The following PCDH15 variants were observed in gnomAD, a reference collection of about 807,000 sequenced individuals.
PCDH15 encodes protocadherin related 15, also known as protocadherin-15.
PCDH15 carries 129 observed loss-of-function variants against 178.5 expected under a neutral mutation model. The ratio of observed to expected loss-of-function variants is 0.72; its 90% CI spans 0.63 to 0.84. The LOEUF (loss-of-function observed/expected upper bound fraction) is 0.84. Among genes scored for constraint, PCDH15 ranks in the 40% least tolerant of loss-of-function variants. The pLI, the probability that PCDH15 is intolerant of heterozygous loss-of-function variation, is 0.00. For missense variants in PCDH15, 2,230 were observed against 2,099.9 expected, an observed-to-expected ratio of 1.06 and a Z score of -1.21; for synonymous variants, 800 against 732.0, an observed-to-expected ratio of 1.09 and a Z score of -1.50.
chr10:54,850,258 A>C (rs1953593662), intron 3 of PCDH15, among the ~76,000 whole-genome samples: 1 of 152,126 alleles, frequency 6.6e-6, no homozygotes, highest in Non-Finnish European at 1.5e-5. Context: ...AAAAATCATA[A>C]GATGGTTTGG....
chr10:55,599,959 G>A, intron 2 of PCDH15: 3 of 1,511,070 alleles, frequency 2.0e-6, no homozygotes, highest in Non-Finnish European at 2.6e-6. Context: ...ACCTACCTAT[G>A]AAGAGGCGGG....
At chr10:54,336,401 G>T (rs554082746) in intron 6 of PCDH15, among the ~76,000 whole-genome samples, 1 of 152,276 alleles carries the variant, frequency 6.6e-6, no homozygotes, top group South Asian at 2.1e-4. Context: ...TAGGCCAGGA[G>T]CCCTAGGAGA....
chr10:55,342,180 C>T, intron 2 of PCDH15, among the ~76,000 whole-genome samples: 2 of 149,850 alleles, frequency 1.3e-5, no homozygotes, highest in African/African-American at 2.5e-5. Context: ...TCTATTTTTC[C>T]TTTGTTTTGT....
At chr10:53,864,092 G>C in intron 27 of PCDH15, among the ~76,000 whole-genome samples, 1 of 152,138 alleles carries the variant, frequency 6.6e-6, no homozygotes, top group Non-Finnish European at 1.5e-5. Context: ...AGCTCATTTG[G>C]AGGGTTTGTT....
chr10:54,537,184 A>G (rs1216842489), intron 2 of PCDH15, among the ~76,000 whole-genome samples: 5 of 151,750 alleles, frequency 3.3e-5, no homozygotes, highest in African/African-American at 9.7e-5. Context: ...TATTTTCAGT[A>G]GAGACGGGGT....
chr10:54,722,990 A>G (rs1941890927), intron 1 of PCDH15, among the ~76,000 whole-genome samples: 1 of 151,660 alleles, frequency 6.6e-6, no homozygotes, highest in Admixed American at 6.6e-5. Flanking sequence ...TACAGATTCA[A>G]TGCAATGCCT....
At position 53,803,117 on chromosome 10, in the gene PCDH15, G is replaced by C. The variant is rs1365733750; in HGVS notation, c.*3462C>G. 3.3e-5 allele frequency: 5 copies of C among 151,870 alleles called. No homozygotes were observed. The highest frequency in any genetic ancestry group is 4.8e-5 in the African/African-American group (2 of 41,408). The allele number at this position is 151,870 out of a possible 1,614,324, so 9.4% of individuals were successfully genotyped here. A position where few individuals can be genotyped will look rare whatever the true frequency, so the allele number is the denominator to read the frequency against. ...AAATTTCACATACCATTTGGGAATA[G>C]AAAGAAACTATCTATAAAATGTGTA... On this transcript the variant is annotated 3_prime_UTR_variant, in exon 38 of 38. Coordinates refer to ENST00000644397, the MANE Select transcript of PCDH15 (RefSeq NM_001384140.1).
intron 26 of PCDH15, among the ~76,000 whole-genome samples, chr10:53,879,520 G>A (rs1463396689): frequency 6.6e-6 from 1 of 152,164 alleles, no homozygotes; most frequent in South Asian, 2.1e-4. Flanking sequence ...AATTTGATTT[G>A]AATGCTGAAG....
Position 54,439,121 on chromosome 10 carries a change from T to G in PCDH15, c.158-60179A>C, listed in dbSNP as rs540672468. ...ATTCTATATATGTATAAATTATATATAGAAAAATAGTTTAGAAGAGTTAAT... is the reference window on the plus strand; with the variant it reads ...ATTCTATATATGTATAAATTATATAGAGAAAAATAGTTTAGAAGAGTTAAT... On this transcript the variant is annotated intron_variant, in intron 3 of 37. Coordinates refer to ENST00000644397, the MANE Select transcript of PCDH15 (RefSeq NM_001384140.1). Among the ~76,000 whole-genome samples, 258 of 127,400 alleles carry G rather than the reference T, an allele frequency of 2.0e-3. 1 individual carries two copies. The highest frequency in any genetic ancestry group is 6.9e-3 in the African/African-American group (234 of 33,868). The allele number at this position is 127,400 out of a possible 152,430, so 83.6% of individuals were successfully genotyped here.
chr10:54,356,570 A>G (rs1482532910), intron 5 of PCDH15, among the ~76,000 whole-genome samples: 6 of 151,952 alleles, frequency 3.9e-5, no homozygotes, highest in Admixed American at 6.6e-5. Context: ...CATATAATAT[A>G]TGCTGTATAT....
chr10:55,602,212 C>G (rs1159656649), intron 2 of PCDH15, among the ~76,000 whole-genome samples: 1 of 152,168 alleles, frequency 6.6e-6, no homozygotes, highest in Non-Finnish European at 1.5e-5. Context: ...CGAGATTATA[C>G]CCCGCACCTG....
intron 14 of PCDH15, among the ~76,000 whole-genome samples, chr10:54,150,881 T>C (rs2044460292): frequency 6.6e-6 from 1 of 152,004 alleles, no homozygotes; most frequent in South Asian, 2.1e-4. Context: ...AGCAAGCATA[T>C]AATATCAGCT....
intron 8 of PCDH15, among the ~76,000 whole-genome samples, chr10:54,251,664 A>G (rs1211540786): frequency 1.3e-5 from 2 of 152,168 alleles, no homozygotes; most frequent in Non-Finnish European, 2.9e-5. Flanking sequence ...CTTTACCAAG[A>G]GGTTTGTTTA....
intron 2 of PCDH15, among the ~76,000 whole-genome samples, chr10:55,157,386 A>G (rs1838918714): frequency 6.7e-6 from 1 of 148,436 alleles, no homozygotes; most frequent in Admixed American, 6.8e-5. Flanking sequence ...CCATTGTGGA[A>G]GACAGTGTGG....
At position 55,435,383 on chromosome 10, in the gene PCDH15, G is replaced by C. The variant is rs146014806; in HGVS notation, c.-156+192242C>G. On this transcript the variant is annotated intron_variant, in intron 2 of 5. Transcript: ENST00000613346. Reference sequence around the variant, plus strand: ...TACCTCGCATTTTTGATAATGTATTGTTACTTTTAAAATTAGCAAATAGTT... The same window carrying C: ...TACCTCGCATTTTTGATAATGTATTCTTACTTTTAAAATTAGCAAATAGTT... Among the ~76,000 whole-genome samples, 219 of 152,090 alleles carry C rather than the reference G, an allele frequency of 1.4e-3. 2 individuals carry two copies. The highest frequency in any genetic ancestry group is 5.2e-3 in the African/African-American group (215 of 41,472).
At chr10:54,875,797 C>T (rs1954129711) in intron 3 of PCDH15, among the ~76,000 whole-genome samples, 1 of 152,068 alleles carries the variant, frequency 6.6e-6, no homozygotes, top group South Asian at 2.1e-4. Context: ...GTTCTTGCGG[C>T]TTAAAGAAAG....
intron 3 of PCDH15, among the ~76,000 whole-genome samples, chr10:54,442,816 C>T (rs2075913013): frequency 2.0e-5 from 3 of 151,338 alleles, no homozygotes; most frequent in Non-Finnish European, 3.0e-5. Context: ...AGTGTGTTGG[C>T]TTTCAGTAGT....
intron 2 of PCDH15, among the ~76,000 whole-genome samples, chr10:54,939,338 A>C (rs1276289154): frequency 6.6e-6 from 1 of 151,262 alleles, no homozygotes; most frequent in Admixed American, 6.6e-5. Flanking sequence ...ACTAAAAAAA[A>C]CAAAAAATTA....
At chr10:54,769,914 T>A (rs143003589) in intron 1 of PCDH15, among the ~76,000 whole-genome samples, 14 of 152,280 alleles carry the variant, frequency 9.2e-5, no homozygotes, top group Admixed American at 3.9e-4. Flanking sequence ...GTTCCCTCCT[T>A]AACTGAAAGT....
Sources: gnomAD v4.1 joint callset for allele counts (sites outside exome capture counted in the v4.1 genomes callset) on GRCh38, gnomAD v4.1.1 for gene constraint, MANE v1.5 for transcripts, NCBI Gene and HGNC (gene_info 2026-07-23, HGNC 2026-07-21) for gene names.